The following GLT8D2 variants were observed in gnomAD, a reference collection of about 807,000 sequenced individuals.
GLT8D2 encodes glycosyltransferase 8 domain containing 2.
In GLT8D2, 45 loss-of-function variants were observed where a neutral mutation model predicts 44.5. That is an observed-to-expected ratio of 1.01 (90% CI 0.80 to 1.30). The LOEUF (loss-of-function observed/expected upper bound fraction) is 1.30. Ranked by LOEUF, GLT8D2 falls within the 50% of genes most tolerant of loss-of-function variation. The probability of loss-of-function intolerance (pLI) is 0.00; values close to 1 mark genes in which losing one functional copy is unlikely to be tolerated. For synonymous variants in GLT8D2, 156 were observed against 157.2 expected (o/e 0.99, Z 0.06); for missense variants, 400 against 430.4 (o/e 0.93, Z 0.62).
rs147324980 is a variant in GLT8D2 at position 103,996,801 on chromosome 12, C to T, written c.534G>A (p.Ala178=). The change falls in exon 8 of 11, where the codon GCG becomes GCA. Residue 178 remains alanine, a synonymous_variant. Coordinates refer to ENST00000360814, the MANE Select transcript of GLT8D2 (RefSeq NM_001384711.1). ...LYDTTLALGH[A]AAFSDDCDLP... Reference sequence around the variant, plus strand: ...AATCGCAGTCATCTGAGAAAGCCGCCGCGTGGCCCAGGGCCAAGGTGGTGT... The same window carrying T: ...AATCGCAGTCATCTGAGAAAGCCGCTGCGTGGCCCAGGGCCAAGGTGGTGT... 15 of 1,614,016 alleles carry T rather than the reference C, an allele frequency of 9.3e-6. No individual in the cohort carries two copies. In the African/African-American group the frequency reaches 1.1e-4, roughly 11 times the overall value.
intron 4 of GLT8D2, among the ~76,000 whole-genome samples, chr12:104,006,054 TA>T (rs1874958498): frequency 6.6e-6 from 1 of 151,972 alleles, no homozygotes; most frequent in Non-Finnish European, 1.5e-5. Flanking sequence ...TATGCAGCCA[TA>T]AAAAAGGATG....
At chr12:104,029,158 C>T (rs982930688) in intron 1 of GLT8D2, among the ~76,000 whole-genome samples, 1 of 151,992 alleles carries the variant, frequency 6.6e-6, no homozygotes, top group Non-Finnish European at 1.5e-5. Context: ...GGCATGGTGG[C>T]GTGCACCTGT....
At chr12:104,039,073 G>C (rs368340979) in intron 1 of GLT8D2, among the ~76,000 whole-genome samples, 5 of 151,888 alleles carry the variant, frequency 3.3e-5, no homozygotes, top group Non-Finnish European at 7.4e-5. Context: ...AAATGGTGAT[G>C]GGAAAACTGG....
chr12:104,030,857 G>T lies in GLT8D2; in HGVS notation c.-163-9366C>A. On this transcript the variant is annotated intron_variant, in intron 1 of 10. Coordinates refer to ENST00000360814, the MANE Select transcript of GLT8D2 (RefSeq NM_001384711.1). The stretch of plus-strand genomic sequence containing the variant: ...GGAGAACCGCTTCAGCGGCTGGTAC[G>T]ACGCCGACCTGAGCCCGGCGGGCCA... 5.7e-6 allele frequency: 9 copies of T among 1,576,376 alleles called. No homozygotes were observed. In the Admixed American group the frequency reaches 1.2e-4, roughly 21 times the overall value.
chr12:104,053,969 T>C (rs1881951584), upstream of GLT8D2, among the ~76,000 whole-genome samples: 1 of 152,208 alleles, frequency 6.6e-6, no homozygotes, highest in African/African-American at 2.4e-5. Flanking sequence ...TATTTAATTT[T>C]AAATTTAAAT....
chr12:104,008,997 C>T (rs562747632), intron 4 of GLT8D2, among the ~76,000 whole-genome samples: 47 of 152,318 alleles, frequency 3.1e-4, no homozygotes, highest in African/African-American at 1.1e-3. Context: ...GCTGCAGGGG[C>T]GGGGGCCTCA....
chr12:103,997,938 C>T (rs1873682553), intron 6 of GLT8D2, among the ~76,000 whole-genome samples: 1 of 151,908 alleles, frequency 6.6e-6, no homozygotes, highest in Non-Finnish European at 1.5e-5. Context: ...CACACACACA[C>T]ACACACACAC....
intron 4 of GLT8D2, among the ~76,000 whole-genome samples, chr12:104,009,370 G>A (rs1379528681): frequency 6.6e-6 from 1 of 152,142 alleles, no homozygotes; most frequent in African/African-American, 2.4e-5. Context: ...CAAGCACAGG[G>A]GTAACCCCTT....
intron 1 of GLT8D2, among the ~76,000 whole-genome samples, chr12:104,032,466 C>CAAAAAAAAACAAAAAAAAAAAAAAA (rs1879385582): frequency 1.7e-5 from 1 of 59,700 alleles, no homozygotes; most frequent in African/African-American, 6.7e-5. Flanking sequence ...TGTGCAATAG[C>CAAAAAAAAACAAAAAAAAAAAAAAA]AAAAAAAAAA....
intron 1 of GLT8D2, among the ~76,000 whole-genome samples, chr12:104,043,255 T>A (rs1187290816): frequency 2.0e-5 from 3 of 152,172 alleles, no homozygotes; most frequent in African/African-American, 4.8e-5. Flanking sequence ...GGAGACTTCA[T>A]CCTGACTCAT....
rs544693673 is a variant in GLT8D2 at position 103,994,331 on chromosome 12, G to A, written c.767+4C>T. 62 of 1,602,504 alleles carry A rather than the reference G, an allele frequency of 3.9e-5. No individual in the cohort carries two copies. Among genetic ancestry groups the A allele is most frequent in the Non-Finnish European group, 4.5e-5 (53 of 1,173,166 alleles). ...GAAAAAATGGTAGAGAAGCCTTCAC[G>A]TACTCCACATTCTTTTGCATCCATT... On this transcript the variant is annotated splice_donor_region_variant and intron_variant, in intron 9 of 10. Coordinates refer to ENST00000360814, the MANE Select transcript of GLT8D2 (RefSeq NM_001384711.1).
At chr12:104,040,708 G>A (rs564890998) in intron 1 of GLT8D2, among the ~76,000 whole-genome samples, 1 of 152,068 alleles carries the variant, frequency 6.6e-6, no homozygotes, top group Non-Finnish European at 1.5e-5. Flanking sequence ...ACAGGCGTGA[G>A]CCACCACGCC....
chr12:103,989,746 G>T (rs1872477876), intron 10 of GLT8D2, among the ~76,000 whole-genome samples, 169 bp from the exon 11 acceptor site: 1 of 152,024 alleles, frequency 6.6e-6, no homozygotes, highest in Admixed American at 6.6e-5. Flanking sequence ...AGTCTCTTGT[G>T]AATCCTTCTA....
At chr12:104,024,577 T>A (rs1339859619) in intron 1 of GLT8D2, among the ~76,000 whole-genome samples, 3 of 152,230 alleles carry the variant, frequency 2.0e-5, no homozygotes, top group Admixed American at 6.5e-5. Context: ...GTATTTTTTT[T>A]ATTTTAGCTG....
At chr12:104,017,727 G>A (rs1170988734) in intron 3 of GLT8D2, among the ~76,000 whole-genome samples, 2 of 152,180 alleles carry the variant, frequency 1.3e-5, no homozygotes, top group Admixed American at 6.5e-5. Flanking sequence ...TAAAGTTTGG[G>A]AAAAGTTGGT....
intron 9 of GLT8D2, 27 bp from the exon 10 acceptor site, chr12:103,993,531 T>C: frequency 6.8e-7 from 1 of 1,477,198 alleles, no homozygotes; most frequent in East Asian, 2.3e-5. Context: ...AAAAACAACA[T>C]TTGGCCTGGA....
At chr12:103,996,161 C>T (rs1873387919) in intron 8 of GLT8D2, among the ~76,000 whole-genome samples, 1 of 152,242 alleles carries the variant, frequency 6.6e-6, no homozygotes, top group South Asian at 2.1e-4. Context: ...AATAACACCT[C>T]ATATTTCAAA....
rs1876395828 is a variant in GLT8D2, at chr12:104,015,232, T to C, written c.20-127A>G. On this transcript the variant is annotated intron_variant, in intron 3 of 10. Transcript: ENST00000360814. ...AGGAGTGGTATCTGAGACCTTTCTA[T>C]AAGCAGACAGCATATAGAATAAAGA... is the stretch of plus-strand genomic sequence containing the variant. 9 of 659,704 alleles carry C rather than the reference T, an allele frequency of 1.4e-5. No individual in the cohort carries two copies. In the East Asian group the frequency reaches 2.2e-4, roughly 16 times the overall value. The allele number at this position is 659,704 out of a possible 1,614,324, so 40.9% of individuals were successfully genotyped here. A position where few individuals can be genotyped will look rare whatever the true frequency, so the allele number is the denominator to read the frequency against.
intron 1 of GLT8D2, among the ~76,000 whole-genome samples, chr12:104,023,008 T>C (rs1448284523): frequency 2.0e-5 from 3 of 152,220 alleles, no homozygotes; most frequent in African/African-American, 4.8e-5. Context: ...GCATAAAGAA[T>C]TGGCCCATGA....
Sources: gnomAD v4.1 joint callset for allele counts (sites outside exome capture counted in the v4.1 genomes callset) on GRCh38, gnomAD v4.1.1 for gene constraint, MANE v1.5 for transcripts, NCBI Gene and HGNC (gene_info 2026-07-23, HGNC 2026-07-21) for gene names.